Variants in PARN observed in about 807,000 individuals in gnomAD.
PARN encodes poly(A)-specific ribonuclease.
A neutral mutation model predicts 102.8 loss-of-function variants in PARN; 71 were observed. The observed-to-expected ratio is 0.69, with a 90% CI of 0.57 to 0.84. The LOEUF is 0.84. Among genes scored for constraint, PARN ranks in the 40% least tolerant of loss-of-function variants. The probability of loss-of-function intolerance (pLI) is 0.00; values close to 1 mark genes in which losing one functional copy is unlikely to be tolerated. For missense variants in PARN, 782 were observed against 760.9 expected, an observed-to-expected ratio of 1.03 and a Z score of -0.33; for synonymous variants, 261 against 252.9, an observed-to-expected ratio of 1.03 and a Z score of -0.30.
At chr16:14,460,834 G>A (rs927022657) in intron 22 of PARN, among the ~76,000 whole-genome samples, 2 of 152,254 alleles carry the variant, frequency 1.3e-5, no homozygotes, top group South Asian at 2.1e-4. Context: ...CCTCCCCCAA[G>A]GAGGTGGAAC....
chr16:14,491,886 G>T (rs1964075519), intron 21 of PARN, among the ~76,000 whole-genome samples: 1 of 152,224 alleles, frequency 6.6e-6, no homozygotes, highest in Non-Finnish European at 1.5e-5. Flanking sequence ...CCAGAATGAG[G>T]ATACAAACTT....
At chr16:14,623,237 C>T (rs1214742217) in intron 5 of PARN, among the ~76,000 whole-genome samples, 1 of 151,974 alleles carries the variant, frequency 6.6e-6, no homozygotes, top group Non-Finnish European at 1.5e-5. Context: ...GAAACACAGC[C>T]AGGCACCATG....
chr16:14,592,913 G>A (rs898331481), intron 13 of PARN, among the ~76,000 whole-genome samples: 3 of 152,116 alleles, frequency 2.0e-5, no homozygotes, highest in Non-Finnish European at 2.9e-5. Flanking sequence ...TAAGGCAGGC[G>A]GATCACGAGG....
Position 14,629,581 on chromosome 16 carries a change from T to C in PARN, c.97+16A>G, listed in dbSNP as rs749325991. The C allele has an allele frequency of 6.3e-7, 1 of 1,588,816 alleles. No individual in the cohort carries two copies. The highest frequency in any genetic ancestry group is 1.1e-5 in the South Asian group (1 of 90,604). ...GCACTGCAAAGTGCTAGCCTGAGCT[T>C]GCAAGGGAGGGATACCTGAAAACTC... On this transcript the variant is annotated intron_variant, in intron 2 of 23. Coordinates refer to ENST00000437198, the MANE Select transcript of PARN (RefSeq NM_002582.4).
intron 21 of PARN, among the ~76,000 whole-genome samples, chr16:14,508,685 A>G (rs1965027359): frequency 1.3e-5 from 2 of 151,858 alleles, no homozygotes; most frequent in African/African-American, 4.8e-5. Context: ...GTAGGCTGAC[A>G]ATTTCCAACA....
At chr16:14,463,852 C>CGGGGGGG (rs1379207947) in intron 22 of PARN, among the ~76,000 whole-genome samples, 1 of 106,754 alleles carries the variant, frequency 9.4e-6, no homozygotes, top group African/African-American at 4.1e-5. Context: ...GGGGGGGGGA[C>CGGGGGGG]GACAAGGTCT....
At chr16:14,486,642 T>C (rs994440729) in intron 21 of PARN, among the ~76,000 whole-genome samples, 2 of 152,236 alleles carry the variant, frequency 1.3e-5, no homozygotes, top group African/African-American at 4.8e-5. Flanking sequence ...CGCTTTTCAC[T>C]GCTGGCCTCC....
At chr16:14,629,368 C>G (rs893835464) in intron 2 of PARN, among the ~76,000 whole-genome samples, 5 of 152,228 alleles carry the variant, frequency 3.3e-5, no homozygotes, top group African/African-American at 1.2e-4. Context: ...AGCATCAAAA[C>G]CATCATCTCT....
intron 22 of PARN, among the ~76,000 whole-genome samples, chr16:14,462,736 T>A (rs1962065226): frequency 6.6e-6 from 1 of 152,204 alleles, no homozygotes; most frequent in African/African-American, 2.4e-5. Context: ...CTGGATAGCA[T>A]GTTTGAATGC....
intron 23 of PARN, among the ~76,000 whole-genome samples, chr16:14,443,197 A>G (rs968243856): frequency 1.3e-5 from 2 of 152,068 alleles, no homozygotes; most frequent in African/African-American, 4.8e-5. Context: ...CCTTTCTTCC[A>G]CTATTTTTGT....
chr16:14,544,367 G>C (rs764108056), intron 21 of PARN, among the ~76,000 whole-genome samples: 1 of 152,108 alleles, frequency 6.6e-6, no homozygotes, highest in Admixed American at 6.5e-5. Flanking sequence ...TTGAGGCAAG[G>C]AGATCGAGAT....
intron 21 of PARN, among the ~76,000 whole-genome samples, chr16:14,510,709 T>C (rs752935355): frequency 6.6e-6 from 1 of 152,208 alleles, no homozygotes; most frequent in African/African-American, 2.4e-5. Context: ...TAGATCTCCA[T>C]GCTCCAGTCC....
intron 3 of PARN, among the ~76,000 whole-genome samples, chr16:14,627,919 G>T (rs1012497749): frequency 6.6e-6 from 1 of 152,142 alleles, no homozygotes; most frequent in African/African-American, 2.4e-5. Flanking sequence ...TGTGGCAGGA[G>T]AATCAGTTGA....
At chr16:14,625,406 A>G (rs1972582952) in intron 5 of PARN, among the ~76,000 whole-genome samples, 1 of 152,174 alleles carries the variant, frequency 6.6e-6, no homozygotes, top group Admixed American at 6.5e-5. Context: ...CTGAGGCAGG[A>G]GAATCGCTTC....
intron 21 of PARN, among the ~76,000 whole-genome samples, chr16:14,525,399 C>A (rs544079451): frequency 6.6e-6 from 1 of 152,238 alleles, no homozygotes; most frequent in South Asian, 2.1e-4. Flanking sequence ...AGGGACAACC[C>A]TTCTATGATG....
intron 22 of PARN, among the ~76,000 whole-genome samples, chr16:14,457,521 C>T (rs773309595): frequency 6.6e-6 from 1 of 151,954 alleles, no homozygotes. Context: ...GTCTTGGGGC[C>T]AGGCGCAGTG....
At chr16:14,493,779 G>A (rs1964174981) in intron 21 of PARN, among the ~76,000 whole-genome samples, 2 of 152,178 alleles carry the variant, frequency 1.3e-5, no homozygotes, top group African/African-American at 2.4e-5. Context: ...AAGTTCCTAT[G>A]GCCCAAGCCA....
chr16:14,517,459 C>T (rs1437985877), intron 21 of PARN, among the ~76,000 whole-genome samples: 1 of 152,182 alleles, frequency 6.6e-6, no homozygotes, highest in Non-Finnish European at 1.5e-5. Context: ...CCAGTCTGGC[C>T]TAGACCAGAA....
chr16:14,515,902 T>C (rs183143986), intron 21 of PARN, among the ~76,000 whole-genome samples: 3 of 152,136 alleles, frequency 2.0e-5, no homozygotes, highest in African/African-American at 7.2e-5. Flanking sequence ...ATAGCACCAA[T>C]GCACTCCAGC....
Sources: allele counts gnomAD v4.1 joint callset (sites outside exome capture counted in the v4.1 genomes callset), GRCh38; gene constraint gnomAD v4.1.1; transcripts MANE v1.5; gene names NCBI Gene and HGNC (gene_info 2026-07-23, HGNC 2026-07-21).